ADAM20: variants seen among roughly 807,000 people sequenced by gnomAD.
ADAM20 encodes disintegrin and metalloproteinase domain-containing protein 20.
For missense variants in ADAM20, 871 were observed against 883.2 expected (o/e 0.99, Z 0.18); for synonymous variants, 305 against 310.2 (o/e 0.98, Z 0.18).
chr14:70,532,754 A>G (rs1223921286), intron 1 of ADAM20, among the ~76,000 whole-genome samples: 2 of 152,216 alleles, frequency 1.3e-5, no homozygotes, highest in African/African-American at 4.8e-5. Context: ...GTATTTGCCA[A>G]ACATCTATCT....
At chr14:70,567,080 G>A in the ADAM20 span, among the ~76,000 whole-genome samples, 50 of 152,240 alleles carry the variant, frequency 3.3e-4, 1 homozygote, top group South Asian at 9.6e-3. Flanking sequence ...ATGACCTAGG[G>A]CAAAGCTATC....
At chr14:70,529,851 A>T (rs56721095) in intron 1 of ADAM20, among the ~76,000 whole-genome samples, 29,098 of 152,174 alleles carry the variant, frequency 0.19, 3,567 homozygotes, top group East Asian at 0.53. Context: ...ATTTATTTTT[A>T]AAAATTTCTT....
chr14:70,526,148 A>T (rs1883585968), intron 1 of ADAM20, among the ~76,000 whole-genome samples: 1 of 152,226 alleles, frequency 6.6e-6, no homozygotes, highest in African/African-American at 2.4e-5. Context: ...AGTAAAAGCT[A>T]ACTTTGCTCA....
the ADAM20 span, among the ~76,000 whole-genome samples, chr14:70,543,777 A>G: frequency 1.3e-5 from 2 of 151,742 alleles, no homozygotes; most frequent in African/African-American, 2.4e-5. Context: ...AGACCAGAAA[A>G]CTCTCCAACC....
At chr14:70,573,010 T>C in the ADAM20 span, among the ~76,000 whole-genome samples, 1 of 152,074 alleles carries the variant, frequency 6.6e-6, no homozygotes, top group African/African-American at 2.4e-5. Flanking sequence ...TCAACCCCTG[T>C]AGAAAAATAG....
At chr14:70,576,299 G>A in the ADAM20 span, among the ~76,000 whole-genome samples, 1 of 152,100 alleles carries the variant, frequency 6.6e-6, no homozygotes, top group African/African-American at 2.4e-5. Context: ...AACAGCTTCT[G>A]CAGACGTTCA....
chr14:70,569,880 A>C, the ADAM20 span, among the ~76,000 whole-genome samples: 3,478 of 128,702 alleles, frequency 0.027, 85 homozygotes, highest in African/African-American at 0.089. Flanking sequence ...GAGGCAGAAA[A>C]CTAACAAAAA....
At chr14:70,533,889 T>C (rs1883769741) in intron 1 of ADAM20, among the ~76,000 whole-genome samples, 1 of 150,852 alleles carries the variant, frequency 6.6e-6, no homozygotes, top group South Asian at 2.1e-4. Flanking sequence ...TCGAGACCAG[T>C]CTGGCCAAAA....
chr14:70,575,256 G>T, the ADAM20 span, among the ~76,000 whole-genome samples: 4 of 151,794 alleles, frequency 2.6e-5, no homozygotes, highest in African/African-American at 9.7e-5. Flanking sequence ...ATGCAGTGAC[G>T]TGATCTCAGC....
chr14:70,557,558 T>G, the ADAM20 span: 2 of 150,504 alleles, frequency 1.3e-5, no homozygotes, highest in Non-Finnish European at 3.0e-5. Flanking sequence ...GTCATTAGGA[T>G]TTAAATAGGA....
intron 1 of ADAM20, among the ~76,000 whole-genome samples, chr14:70,533,845 G>A (rs555372918): frequency 6.6e-6 from 1 of 151,514 alleles, no homozygotes; most frequent in Admixed American, 6.6e-5. Flanking sequence ...CACTTTGGGA[G>A]GCTAAGGTGG....
At chr14:70,534,347 T>TC (rs1352823107) in intron 1 of ADAM20, among the ~76,000 whole-genome samples, 2 of 152,084 alleles carry the variant, frequency 1.3e-5, no homozygotes, top group East Asian at 3.9e-4. Context: ...GATCTAGTAA[T>TC]CCCACTTCTA....
the ADAM20 span, among the ~76,000 whole-genome samples, chr14:70,547,079 A>G: frequency 6.6e-6 from 1 of 152,232 alleles, no homozygotes; most frequent in Non-Finnish European, 1.5e-5. Context: ...CTATATGCCA[A>G]TAAATTGGAA....
rs575060072 is a variant in ADAM20 at position 70,531,980 on chromosome 14, G to A, written c.-177+2817C>T. ...TAACAAAATCTCAGTGGCATTATTA[G>A]CAGAATTAGAAAAACAATTCAAAAT... is the stretch of plus-strand genomic sequence containing the variant. On this transcript the variant is annotated intron_variant, in intron 1 of 1. Coordinates refer to ENST00000256389, the MANE Select transcript of ADAM20 (RefSeq NM_003814.5). 2.6e-5 allele frequency among the ~76,000 whole-genome samples: 4 copies of A among 152,084 alleles called. No individual in the cohort carries two copies. The South Asian group carries it at 8.3e-4, about 32-fold the overall frequency.
At chr14:70,530,520 C>A (rs993497317) in intron 1 of ADAM20, among the ~76,000 whole-genome samples, 2 of 152,114 alleles carry the variant, frequency 1.3e-5, no homozygotes, top group African/African-American at 4.8e-5. Context: ...ATGTACTATA[C>A]TTTTATATGA....
the ADAM20 span, among the ~76,000 whole-genome samples, chr14:70,545,125 T>C: frequency 6.6e-6 from 1 of 152,330 alleles, no homozygotes; most frequent in South Asian, 2.1e-4. Flanking sequence ...GATGGCTGAA[T>C]AGAAAGCTCC....
chr14:70,571,310 A>T, the ADAM20 span, among the ~76,000 whole-genome samples: 2 of 152,304 alleles, frequency 1.3e-5, no homozygotes, highest in East Asian at 3.9e-4. Flanking sequence ...TAATTGAATC[A>T]TGGGGGTGGT....
the ADAM20 span, among the ~76,000 whole-genome samples, chr14:70,575,506 G>C: frequency 1.2e-4 from 19 of 152,096 alleles, no homozygotes; most frequent in African/African-American, 4.6e-4. Context: ...ACCCACAAAA[G>C]AACACACAAA....
the ADAM20 span, chr14:70,547,492 G>A: frequency 7.4e-6 from 1 of 134,384 alleles, no homozygotes; most frequent in African/African-American, 2.8e-5. Flanking sequence ...CCTCACCTGG[G>A]AAGCGCAAGG....
Sources: allele counts gnomAD v4.1 joint callset (sites outside exome capture counted in the v4.1 genomes callset), GRCh38; gene constraint gnomAD v4.1.1; transcripts MANE v1.5; gene names NCBI Gene and HGNC (gene_info 2026-07-23, HGNC 2026-07-21).